DMXL1: variants seen among roughly 807,000 people sequenced by gnomAD.
DMXL1 encodes the protein Dmx like 1.
Under a neutral mutation model 319.2 loss-of-function variants are expected in DMXL1, and 99 were observed. That is an observed-to-expected ratio of 0.31 (90% CI 0.26 to 0.37). The LOEUF is 0.37. Among genes scored for constraint, DMXL1 ranks in the 10% least tolerant of loss-of-function variants. DMXL1 has a pLI of 1.00. For synonymous variants in DMXL1, 1,385 were observed against 1,235.2 expected (o/e 1.12, Z -2.54); for missense variants, 3,745 against 3,595.6 (o/e 1.04, Z -1.06).
chr5:119,112,684 C>A (rs553622560), intron 5 of DMXL1, among the ~76,000 whole-genome samples: 1 of 152,090 alleles, frequency 6.6e-6, no homozygotes, highest in Non-Finnish European at 1.5e-5. Flanking sequence ...AGGCTGGGCT[C>A]GGTGGCTCAC....
At chr5:119,100,436 A>AT (rs1756991336) in intron 2 of DMXL1, among the ~76,000 whole-genome samples, 1 of 151,164 alleles carries the variant, frequency 6.6e-6, no homozygotes, top group South Asian at 2.1e-4. Context: ...ACTCCGTCTC[A>AT]TAAAAAAAAA....
At chr5:119,107,438 A>C (rs1257380158) in intron 4 of DMXL1, among the ~76,000 whole-genome samples, 1 of 152,118 alleles carries the variant, frequency 6.6e-6, no homozygotes, top group Non-Finnish European at 1.5e-5. Flanking sequence ...TTTTGTGTCC[A>C]AATTTAATAT....
rs1769263698 is a variant in DMXL1 at position 119,149,350 on chromosome 5, C to G, written c.3523C>G (p.Gln1175Glu). 1 of 1,613,874 alleles carries G rather than the reference C, an allele frequency of 6.2e-7. No homozygotes were observed. Among genetic ancestry groups the G allele is most frequent in the Non-Finnish European group, 8.5e-7 (1 of 1,179,860 alleles). Reference sequence around the variant, plus strand: ...ACCCCTGGCTGGCAAGGTACAAGACCAAACTGGTAAGGAAACCCTGGCATT... The same window carrying G: ...ACCCCTGGCTGGCAAGGTACAAGACGAAACTGGTAAGGAAACCCTGGCATT... ...YGPLAGKVQDQTGKETLAFPL... is the reference protein window; with the variant it reads ...YGPLAGKVQDETGKETLAFPL... Residue 1175 changes from glutamine to glutamate, a missense_variant, in exon 18 of 44, where the codon CAA becomes GAA. By Grantham distance (29) the Gln-to-Glu change is conservative (BLOSUM62 2). Around this residue, in one of 4 missense-constraint regions of DMXL1, gnomAD observed 2,096 missense variants for 1,985.4 expected, o/e 1.06. Transcript: ENST00000539542.
In DMXL1 at chr5:119,116,141, GT is replaced by G. The variant is rs745748660; in HGVS notation, c.565-7del. The G allele has an allele frequency of 1.3e-4, 177 of 1,372,990 alleles. No individual in the cohort carries two copies. Among genetic ancestry groups the G allele is most frequent in the South Asian group, 3.1e-4 (22 of 71,642 alleles). 85.1% of individuals were successfully genotyped at this position (1,372,990 alleles called of 1,614,324 possible). A position where few individuals can be genotyped will look rare whatever the true frequency, so the allele number is the denominator to read the frequency against. ...TCTGATCTCCATGATTTTCTGTTTTGTTTTTTTTTTCCTTAGGATGACTGTC... is the reference window on the plus strand; with the variant it reads ...TCTGATCTCCATGATTTTCTGTTTTGTTTTTTTTTCCTTAGGATGACTGTC... On this transcript the variant is annotated splice_polypyrimidine_tract_variant and intron_variant, in intron 6 of 43. Transcript: ENST00000539542.
At chr5:119,144,500 A>G (rs770742221) in intron 14 of DMXL1, 36 bp from the exon 15 acceptor site, 2 of 1,437,784 alleles carry the variant, frequency 1.4e-6, no homozygotes, top group Non-Finnish European at 1.9e-6. Context: ...TAAATAACAC[A>G]TAGGTCAACT....
At chr5:119,090,268 G>A (rs1754466437) in intron 1 of DMXL1, among the ~76,000 whole-genome samples, 1 of 151,562 alleles carries the variant, frequency 6.6e-6, no homozygotes, top group African/African-American at 2.4e-5. Context: ...TGATTTGCCT[G>A]CCTCAACCTC....
chr5:119,203,167 C>T, intron 32 of DMXL1, 152 bp from the exon 33 acceptor site: 1 of 480,642 alleles, frequency 2.1e-6, no homozygotes, highest in African/African-American at 2.0e-5. Context: ...TAAGGAAATC[C>T]TTTAAGGAAA....
At chr5:119,238,458 G>A (rs535253031) in intron 40 of DMXL1, among the ~76,000 whole-genome samples, 1 of 152,040 alleles carries the variant, frequency 6.6e-6, no homozygotes, top group Non-Finnish European at 1.5e-5. Flanking sequence ...TTCTAATTTT[G>A]ATGACTATTA....
At chr5:119,131,347 T>C (rs1021346771) in intron 10 of DMXL1, among the ~76,000 whole-genome samples, 2 of 152,190 alleles carry the variant, frequency 1.3e-5, no homozygotes, top group African/African-American at 4.8e-5. Context: ...GATAAGTTGA[T>C]ACACAGTTTA....
intron 42 of DMXL1, among the ~76,000 whole-genome samples, chr5:119,241,994 A>G (rs1384911268): frequency 6.6e-6 from 1 of 152,182 alleles, no homozygotes; most frequent in Admixed American, 6.5e-5. Context: ...ACATTTCTCG[A>G]CTGTCGATGG....
intron 15 of DMXL1, 110 bp downstream of exon 15, chr5:119,144,748 G>T: frequency 1.6e-6 from 1 of 616,964 alleles, no homozygotes; most frequent in Non-Finnish European, 2.7e-6. Context: ...GTAAAAATTG[G>T]GGTAGGTTTG....
At chr5:119,184,861 T>A (rs1324370366) in intron 28 of DMXL1, among the ~76,000 whole-genome samples, 1 of 152,198 alleles carries the variant, frequency 6.6e-6, no homozygotes, top group Non-Finnish European at 1.5e-5. Context: ...CCATTCACAT[T>A]TTCAATAAGT....
intron 19 of DMXL1, among the ~76,000 whole-genome samples, chr5:119,156,847 C>T (rs972009207): frequency 3.3e-5 from 5 of 151,928 alleles, no homozygotes; most frequent in African/African-American, 1.2e-4. Flanking sequence ...TTGTTTTTTT[C>T]TCTTTCTGAT....
chr5:119,225,046 T>C (rs1327176653), intron 38 of DMXL1, among the ~76,000 whole-genome samples: 1 of 152,024 alleles, frequency 6.6e-6, no homozygotes, highest in Non-Finnish European at 1.5e-5. Flanking sequence ...TACACAAAAT[T>C]TGTGTATTTC....
At chr5:119,194,522 C>T (rs771096475) in intron 30 of DMXL1, among the ~76,000 whole-genome samples, 24 of 151,908 alleles carry the variant, frequency 1.6e-4, no homozygotes, top group Admixed American at 8.5e-4. Flanking sequence ...ACATCTAAAA[C>T]GTGTATGTTT....
intron 1 of DMXL1, among the ~76,000 whole-genome samples, chr5:119,094,851 CTT>C (rs745994850): frequency 9.7e-5 from 13 of 133,874 alleles, no homozygotes; most frequent in Admixed American, 1.5e-4. Flanking sequence ...CTTGCACAAT[CTT>C]TTTTTTTTTT....
intron 9 of DMXL1, among the ~76,000 whole-genome samples, chr5:119,121,920 C>A (rs1442455212): frequency 6.8e-6 from 1 of 146,150 alleles, no homozygotes; most frequent in Non-Finnish European, 1.5e-5. Flanking sequence ...GCTGACCCCC[C>A]CCACCTCCCT....
At chr5:119,190,462 A>G (rs1778513248) in intron 29 of DMXL1, among the ~76,000 whole-genome samples, 1 of 152,212 alleles carries the variant, frequency 6.6e-6, no homozygotes, top group Admixed American at 6.5e-5. Context: ...TCTTTCAGTG[A>G]TTGATTATGT....
intron 28 of DMXL1, chr5:119,178,733 T>G: frequency 1.1e-6 from 1 of 871,164 alleles, no homozygotes; most frequent in Non-Finnish European, 1.4e-6. Context: ...TTCAGCTTGC[T>G]TTGTGTTGTT....
Sources: gnomAD v4.1 joint callset for allele counts (sites outside exome capture counted in the v4.1 genomes callset) on GRCh38, gnomAD v4.1.1 for gene constraint, gnomAD v4.1.1 regional missense constraint, MANE v1.5 for transcripts, NCBI Gene and HGNC (gene_info 2026-07-23, HGNC 2026-07-21) for gene names.